The following PLCG2 variants were observed in gnomAD, a reference collection of about 807,000 sequenced individuals.
The protein encoded by PLCG2 is phospholipase C gamma 2.
PLCG2 carries 69 observed loss-of-function variants against 175.6 expected under a neutral mutation model. The ratio of observed to expected loss-of-function variants is 0.39; its 90% CI spans 0.32 to 0.48. The LOEUF is 0.48. Ranked by LOEUF, PLCG2 falls within the 20% of genes least tolerant of loss-of-function variation. The probability of loss-of-function intolerance (pLI) is 0.91; values close to 1 mark genes in which losing one functional copy is unlikely to be tolerated. For missense variants in PLCG2, 1,798 were observed against 1,650.9 expected, an observed-to-expected ratio of 1.09 and a Z score of -1.54; for synonymous variants, 827 against 624.0, an observed-to-expected ratio of 1.33 and a Z score of -4.85.
intron 2 of PLCG2, among the ~76,000 whole-genome samples, chr16:81,774,274 C>G (rs971051182): frequency 1.3e-5 from 2 of 151,548 alleles, no homozygotes; most frequent in Admixed American, 1.3e-4. Context: ...CACTTGAGCC[C>G]AGGAGGCAGA....
chr16:81,953,102 G>C lies in PLCG2; in HGVS notation c.3571-3593G>C, dbSNP rs113888605. Among the ~76,000 whole-genome samples, 829 of 152,240 alleles carry C rather than the reference G, an allele frequency of 5.4e-3. 8 individuals are homozygous for C. The highest frequency in any genetic ancestry group is 0.019 in the African/African-American group (780 of 41,550). The stretch of plus-strand genomic sequence containing the variant: ...AAGAAGACACCAGACAAAAGTTGCT[G>C]GACATTCATACAAAATAACTGACTA... On this transcript the variant is annotated intron_variant, in intron 31 of 32. Coordinates refer to ENST00000564138, the MANE Select transcript of PLCG2 (RefSeq NM_002661.5).
intron 5 of PLCG2, among the ~76,000 whole-genome samples, chr16:81,862,383 C>T (rs967965285): frequency 6.6e-5 from 10 of 152,250 alleles, no homozygotes; most frequent in South Asian, 2.1e-4. Flanking sequence ...AAGCACTTTA[C>T]ATCCTTAGGA....
intron 22 of PLCG2, among the ~76,000 whole-genome samples, chr16:81,925,426 C>T (rs892815281): frequency 6.6e-6 from 1 of 152,150 alleles, no homozygotes; most frequent in Admixed American, 6.5e-5. Flanking sequence ...CCAGCCCTTG[C>T]CAGAAGTGGG....
At position 81,893,702 on chromosome 16, in the gene PLCG2, C is replaced by A. The variant is rs754373274; in HGVS notation, c.987-7C>A. 14 of 1,598,854 alleles carry A rather than the reference C, an allele frequency of 8.8e-6. No individual in the cohort carries two copies. The highest frequency in any genetic ancestry group is 1.2e-5 in the Non-Finnish European group (14 of 1,167,616). On this transcript the variant is annotated splice_polypyrimidine_tract_variant and splice_region_variant and intron_variant, in intron 11 of 32. Transcript: ENST00000564138. ...TCTCACACGGCCACCTGCCTTCTCT[C>A]CTGCAGGTACCTTACAGGTGACCAG...
chr16:81,852,619 A>C (rs1256020607), intron 2 of PLCG2, among the ~76,000 whole-genome samples: 1 of 152,188 alleles, frequency 6.6e-6, no homozygotes. Context: ...ATGGAGTCAC[A>C]TGGCAGCAGA....
chr16:81,859,047 C>G, intron 4 of PLCG2, 69 bp from the exon 5 acceptor site: 3 of 926,572 alleles, frequency 3.2e-6, no homozygotes, highest in East Asian at 2.4e-5. Flanking sequence ...TTCCGTAGGA[C>G]TCACTTAGAC....
At chr16:81,805,464 A>G (rs1001047964) in intron 2 of PLCG2, among the ~76,000 whole-genome samples, 3 of 149,312 alleles carry the variant, frequency 2.0e-5, no homozygotes, top group Non-Finnish European at 4.4e-5. Context: ...GCACCACTGC[A>G]CTTCAGCCTG....
intron 7 of PLCG2, among the ~76,000 whole-genome samples, chr16:81,876,349 C>G (rs964080145): frequency 1.4e-4 from 22 of 152,238 alleles, no homozygotes; most frequent in African/African-American, 5.1e-4. Context: ...GAGATTTTAC[C>G]CTTGGCCTTC....
At chr16:81,954,164 A>T (rs1449869865) in intron 31 of PLCG2, among the ~76,000 whole-genome samples, 1 of 151,938 alleles carries the variant, frequency 6.6e-6, no homozygotes, top group Non-Finnish European at 1.5e-5. Context: ...CTGGGAGTAC[A>T]GGGTATGCCA....
chr16:81,940,068 C>T lies in PLCG2; in HGVS notation c.3481+9C>T, dbSNP rs1910875888. The T allele has an allele frequency of 1.3e-6, 2 of 1,594,586 alleles. No homozygotes were observed. Among genetic ancestry groups the T allele is most frequent in the Non-Finnish European group, 1.7e-6 (2 of 1,163,734 alleles). On this transcript the variant is annotated intron_variant, in intron 30 of 32. Transcript: ENST00000564138. ...TAAAGCAGTCAAATCAGGTAAGAGG[C>T]ATTTTAATTAAGATGTTCGATTTGG... is the stretch of plus-strand genomic sequence containing the variant.
chr16:81,748,264 C>T (rs1048150432), intron 1 of PLCG2, among the ~76,000 whole-genome samples: 3 of 152,138 alleles, frequency 2.0e-5, no homozygotes, highest in African/African-American at 4.8e-5. Flanking sequence ...GTGGCACATG[C>T]GTATAATCCC....
At chr16:81,955,632 T>G (rs1288160565) in intron 31 of PLCG2, among the ~76,000 whole-genome samples, 2 of 152,238 alleles carry the variant, frequency 1.3e-5, no homozygotes, top group Non-Finnish European at 2.9e-5. Flanking sequence ...TTTCCTCTTT[T>G]TCTGGCACAT....
intron 2 of PLCG2, among the ~76,000 whole-genome samples, chr16:81,823,436 G>C (rs561192103): frequency 1.8e-4 from 27 of 152,306 alleles, no homozygotes; most frequent in African/African-American, 6.3e-4. Context: ...AAGATTGAGT[G>C]GGGGTAGGGG....
chr16:81,758,280 A>G (rs1909970781), intron 2 of PLCG2, among the ~76,000 whole-genome samples: 1 of 152,116 alleles, frequency 6.6e-6, no homozygotes, highest in Admixed American at 6.5e-5. Flanking sequence ...GCCCAGGCTC[A>G]CTTAGCATTG....
chr16:81,843,859 G>C (rs903531893), intron 2 of PLCG2, among the ~76,000 whole-genome samples: 1 of 152,212 alleles, frequency 6.6e-6, no homozygotes, highest in African/African-American at 2.4e-5. Context: ...TTGATGTGCC[G>C]TTGGTTGTGT....
At chr16:81,792,484 A>C (rs1444010236) in intron 2 of PLCG2, among the ~76,000 whole-genome samples, 1 of 18,636 alleles carries the variant, frequency 5.4e-5, no homozygotes, top group African/African-American at 1.2e-4. Context: ...CTGTCTCAAA[A>C]AAAAAAAAAA....
At chr16:81,917,966 G>A (rs1048256284) in intron 19 of PLCG2, among the ~76,000 whole-genome samples, 2 of 152,058 alleles carry the variant, frequency 1.3e-5, no homozygotes, top group African/African-American at 4.8e-5. Flanking sequence ...CAAGTGATCT[G>A]CCTGCCTTGG....
chr16:81,784,127 C>G (rs775113497), intron 1 of PLCG2, among the ~76,000 whole-genome samples: 1 of 152,208 alleles, frequency 6.6e-6, no homozygotes, highest in Non-Finnish European at 1.5e-5. Context: ...GTGTAATTAT[C>G]TCCTGCTGCT....
chr16:81,957,960 A>G lies in PLCG2; in HGVS notation c.3760A>G (p.Arg1254Gly), dbSNP rs749901104. Residue 1254 changes from arginine (R) to glycine (G), a missense_variant, in exon 33 of 33, where the codon AGA becomes GGA. Coordinates refer to ENST00000564138, the MANE Select transcript of PLCG2 (RefSeq NM_002661.5). ...LYQEKCNKRL[R>G]EKRVSNSKFY... The stretch of plus-strand genomic sequence containing the variant: ...GTGAAATCTGTTTTATTTCAGGTTA[A>G]GAGAGAAGAGAGTCAGCAACAGCAA... 3 of 1,613,800 alleles carry G rather than the reference A, an allele frequency of 1.9e-6. No individual in the cohort carries two copies. The highest frequency in any genetic ancestry group is 4.5e-5 in the East Asian group (2 of 44,884).
Sources: gnomAD v4.1 joint callset for allele counts (sites outside exome capture counted in the v4.1 genomes callset) on GRCh38, gnomAD v4.1.1 for gene constraint, MANE v1.5 for transcripts, NCBI Gene and HGNC (gene_info 2026-07-23, HGNC 2026-07-21) for gene names.